DDX52: variants seen among roughly 807,000 people sequenced by gnomAD.
DDX52 encodes the protein probable ATP-dependent RNA helicase DDX52.
Under a neutral mutation model 76.1 loss-of-function variants are expected in DDX52, and 59 were observed. That is an observed-to-expected ratio of 0.78 (90% CI 0.63 to 0.96). The LOEUF is 0.96. DDX52 is among the 40% of genes least tolerant of loss of function. The pLI, the probability that DDX52 is intolerant of heterozygous loss-of-function variation, is 0.00. For missense variants in DDX52, 707 were observed against 703.9 expected, an observed-to-expected ratio of 1.00 and a Z score of -0.05; for synonymous variants, 231 against 244.1, an observed-to-expected ratio of 0.95 and a Z score of 0.50.
chr17:37,614,938 A>G (rs774827673), intron 14 of DDX52: 1 of 152,260 alleles, frequency 6.6e-6, no homozygotes, highest in African/African-American at 2.4e-5. Flanking sequence ...TCTTTGGTGT[A>G]TATTAACTCA....
chr17:37,636,073 A>G (rs1171353031), intron 2 of DDX52, among the ~76,000 whole-genome samples: 1 of 152,120 alleles, frequency 6.6e-6, no homozygotes, highest in East Asian at 1.9e-4. Flanking sequence ...TCTTAATGTT[A>G]TCTTTTGAAG....
chr17:37,611,798 C>T lies in DDX52; in HGVS notation c.*2498G>A, dbSNP rs1598747541. 1 of 142,238 alleles carries T rather than the reference C, an allele frequency of 7.0e-6. No individual in the cohort carries two copies. Among genetic ancestry groups the T allele is most frequent in the Non-Finnish European group, 1.5e-5 (1 of 65,020 alleles). The allele number at this position is 142,238 out of a possible 1,614,324, so 8.8% of individuals were successfully genotyped here. ...GACAACAAGCAAGACCTCGTCTCTA[C>T]AAAATTTAAAAATTAGCTGAGTGTT... On this transcript the variant is annotated 3_prime_UTR_variant, in exon 15 of 15. Transcript: ENST00000617633.
intron 14 of DDX52, 85 bp downstream of exon 14, chr17:37,618,207 T>C: frequency 9.9e-7 from 1 of 1,014,204 alleles, no homozygotes; most frequent in Non-Finnish European, 1.5e-6. Flanking sequence ...TCAATTCTAC[T>C]TCTAAAAATT....
Position 37,611,063 on chromosome 17 carries a change from G to A in DDX52, c.*3233C>T, listed in dbSNP as rs965140231. 2.0e-5 allele frequency: 3 copies of A among 152,178 alleles called. No homozygotes were observed. In the East Asian group the frequency reaches 5.8e-4, roughly 29 times the overall value. 9.4% of individuals were successfully genotyped at this position (152,178 alleles called of 1,614,324 possible). A position where few individuals can be genotyped will look rare whatever the true frequency, so the allele number is the denominator to read the frequency against. The stretch of plus-strand genomic sequence containing the variant: ...TTTTTGTTCCTCTTCTTTGCCTATT[G>A]GTTTTTACATTTGCAGGATTCAACT... On this transcript the variant is annotated 3_prime_UTR_variant, in exon 15 of 15. Transcript: ENST00000617633.
chr17:37,631,970 G>T, intron 4 of DDX52, 143 bp downstream of exon 4: 1 of 1,128,892 alleles, frequency 8.9e-7, no homozygotes, highest in South Asian at 1.5e-5. Context: ...TGGAGGCACA[G>T]GCATTTGATG....
intron 4 of DDX52, 165 bp downstream of exon 4, chr17:37,631,948 A>G (rs1463511833): frequency 5.7e-6 from 5 of 876,132 alleles, no homozygotes; most frequent in South Asian, 1.7e-5. Context: ...GGAGTGATCA[A>G]GACAACTTTT....
chr17:37,632,447 T>C (rs1163732974), intron 3 of DDX52, 149 bp from the exon 4 acceptor site: 3 of 765,842 alleles, frequency 3.9e-6, no homozygotes, highest in Non-Finnish European at 6.3e-6. Flanking sequence ...ATCACAGATA[T>C]TAGGTACATT....
intron 12 of DDX52, 83 bp downstream of exon 12, chr17:37,620,790 T>C: frequency 7.6e-7 from 1 of 1,320,030 alleles, no homozygotes; most frequent in Middle Eastern, 2.3e-4. Flanking sequence ...ATAGCCATTT[T>C]GTAATTATCT....
At position 37,610,283 on chromosome 17, in the gene DDX52, C is replaced by A. The variant is rs959362189; in HGVS notation, c.*4013G>T. 1 of 146,700 alleles carries A rather than the reference C, an allele frequency of 6.8e-6. No homozygotes were observed. The highest frequency in any genetic ancestry group is 1.5e-5 in the Non-Finnish European group (1 of 67,812). 9.1% of individuals were successfully genotyped at this position (146,700 alleles called of 1,614,324 possible). On this transcript the variant is annotated 3_prime_UTR_variant, in exon 15 of 15. Transcript: ENST00000617633. ...GGACCACAGGCATGCACCACCACAC[C>A]GGGCCAATTTTTTTTTTTTTTTTTT... is the stretch of plus-strand genomic sequence containing the variant.
intron 14 of DDX52, among the ~76,000 whole-genome samples, chr17:37,616,452 A>C (rs1568597149): frequency 1.3e-5 from 2 of 152,136 alleles, no homozygotes; most frequent in African/African-American, 4.8e-5. Flanking sequence ...TGAGAGTTCG[A>C]GACCATCTTG....
chr17:37,617,431 A>G (rs1475798847), intron 14 of DDX52, among the ~76,000 whole-genome samples: 3 of 152,232 alleles, frequency 2.0e-5, no homozygotes, highest in Non-Finnish European at 2.9e-5. Flanking sequence ...ACTGTTCAAA[A>G]TATCTTGGCC....
chr17:37,630,183 T>C lies in DDX52; in HGVS notation c.604-10A>G, dbSNP rs991667943. ...CCAGAAGTTCCCGACCCTAAAAACA[T>C]AGGGTATATTAAATACTACAAAGAA... is the stretch of plus-strand genomic sequence containing the variant. On this transcript the variant is annotated splice_polypyrimidine_tract_variant and intron_variant, in intron 4 of 14. Coordinates refer to ENST00000617633, the MANE Select transcript of DDX52 (RefSeq NM_007010.5). 7 of 1,596,378 alleles carry C rather than the reference T, an allele frequency of 4.4e-6. No individual in the cohort carries two copies. The highest frequency in any genetic ancestry group is 3.4e-5 in the South Asian group (3 of 87,742).
intron 2 of DDX52, among the ~76,000 whole-genome samples, chr17:37,634,934 G>C (rs925862908): frequency 4.0e-5 from 6 of 151,346 alleles, no homozygotes; most frequent in African/African-American, 1.5e-4. Flanking sequence ...CCGAGTAGCT[G>C]GGACTACAGA....
chr17:37,641,278 T>C lies in DDX52; in HGVS notation c.286+832A>G, dbSNP rs188864803. ...TTAGCCAGGTGTGGTGGCAGGCACC[T>C]GTAGTCCCAGGTACTTGGGAGGCTG... is the stretch of plus-strand genomic sequence containing the variant. On this transcript the variant is annotated intron_variant, in intron 2 of 14. Transcript: ENST00000617633. 2.7e-3 allele frequency among the ~76,000 whole-genome samples: 415 copies of C among 152,006 alleles called. 2 individuals carry two copies. The highest frequency in any genetic ancestry group is 9.5e-3 in the African/African-American group (392 of 41,432).
chr17:37,616,669 A>G (rs2064430465), intron 14 of DDX52, among the ~76,000 whole-genome samples: 1 of 152,108 alleles, frequency 6.6e-6, no homozygotes, highest in African/African-American at 2.4e-5. Context: ...TCTCAAAAAA[A>G]AAAAAAGTAA....
At chr17:37,616,662 C>CAA (rs1188716926) in intron 14 of DDX52, among the ~76,000 whole-genome samples, 1 of 122,428 alleles carries the variant, frequency 8.2e-6, no homozygotes, top group African/African-American at 3.1e-5. Flanking sequence ...GACTCCATCT[C>CAA]AAAAAAAAAA....
chr17:37,642,168 CTCT>C lies in DDX52; in HGVS notation c.225_227del (p.Glu76del), dbSNP rs1171348216. On this transcript the variant is annotated inframe_deletion, in exon 2 of 15. Transcript: ENST00000617633. ...GCTCCCTCTTCCTTTCAGTTAGGCT[CTCT>C]TCTTTTTTCTCTCCATTTTGGGGCT... The C allele has an allele frequency of 6.2e-7, 1 of 1,614,056 alleles. No individual in the cohort carries two copies. The highest frequency in any genetic ancestry group is 8.5e-7 in the Non-Finnish European group (1 of 1,180,012).
Position 37,621,272 on chromosome 17 carries a change from AT to A in DDX52, c.1355del (p.Asp452ValfsTer15). The A allele has an allele frequency of 6.2e-7, 1 of 1,610,082 alleles. No homozygotes were observed. The highest frequency in any genetic ancestry group is 8.5e-7 in the Non-Finnish European group (1 of 1,178,800). On this transcript the variant is annotated frameshift_variant, in exon 11 of 15. Transcript: ENST00000617633. LOFTEE classifies it high-confidence loss of function. ...CTGCTCTGAAACTGTGGACTGTGTT[AT>A]CTCTCTGGTTAACAGAATATATATT... ...IHAERTQQQR[D>X]NTVHSFRAGK...
chr17:37,614,118 C>G lies in DDX52; in HGVS notation c.*178G>C. On this transcript the variant is annotated 3_prime_UTR_variant, in exon 15 of 15. Transcript: ENST00000617633. ...ATCTCTACAGGAAAAAAAAAAGGCA[C>G]CTACAAATTGAAACTGACTTGATAG... 3 of 640,330 alleles carry G rather than the reference C, an allele frequency of 4.7e-6. No individual in the cohort carries two copies. Among genetic ancestry groups the G allele is most frequent in the South Asian group, 2.6e-5 (1 of 38,296 alleles). The allele number at this position is 640,330 out of a possible 1,614,324, so 39.7% of individuals were successfully genotyped here.
Sources: gnomAD v4.1 joint callset for allele counts (sites outside exome capture counted in the v4.1 genomes callset) on GRCh38, gnomAD v4.1.1 for gene constraint, MANE v1.5 for transcripts, NCBI Gene and HGNC (gene_info 2026-07-23, HGNC 2026-07-21) for gene names.